Variants in UVSSA observed in about 807,000 individuals in gnomAD.
The protein encoded by UVSSA is UV-stimulated scaffold protein A.
UVSSA carries 72 observed loss-of-function variants against 73.9 expected under a neutral mutation model. The observed-to-expected ratio is 0.97, with a 90% CI of 0.81 to 1.19. The LOEUF (loss-of-function observed/expected upper bound fraction) is 1.19. Ranked by LOEUF, UVSSA falls within the 50% of genes most tolerant of loss-of-function variation. The probability of loss-of-function intolerance (pLI) is 0.00; values close to 1 mark genes in which losing one functional copy is unlikely to be tolerated. For synonymous variants in UVSSA, 454 were observed against 391.3 expected (o/e 1.16, Z -1.89); for missense variants, 1,150 against 965.0 (o/e 1.19, Z -2.54).
rs1278542210 is a variant in UVSSA at position 1,386,198 on chromosome 4, C to T, written c.*237C>T. ...AGGCCCTCGGGCCTGGAGATGTGAA[C>T]ACAGGCAGCGACCCTGTTCCAGAGG... is the stretch of plus-strand genomic sequence containing the variant. On this transcript the variant is annotated 3_prime_UTR_variant, in exon 14 of 14. Transcript: ENST00000389851. 3 of 505,174 alleles carry T rather than the reference C, an allele frequency of 5.9e-6. No individual in the cohort carries two copies. Among genetic ancestry groups the T allele is most frequent in the East Asian group, 7.1e-5 (2 of 28,102 alleles). The allele number at this position is 505,174 out of a possible 1,614,324, so 31.3% of individuals were successfully genotyped here.
At position 1,376,087 on chromosome 4, in the gene UVSSA, G is replaced by T; in HGVS notation, c.1487G>T (p.Arg496Leu). Residue 496 changes from arginine (R) to leucine (L), a missense_variant, in exon 10 of 14, where the codon CGG (arginine) becomes CTG (leucine). Transcript: ENST00000389851. ...PQEAQKLAAE[R>L]ARAPVVPYGV... ...GAGGCCCAGAAGCTGGCAGCAGAGC[G>T]GGCCCGGGCGCCTGTGGTGCCCTAC... 6.2e-7 allele frequency: 1 copy of T among 1,602,964 alleles called. No homozygotes were observed. Among genetic ancestry groups the T allele is most frequent in the Non-Finnish European group, 8.5e-7 (1 of 1,175,388 alleles).
At chr4:1,395,386 T>C in exon 14 of UVSSA, 2 of 1,552,332 alleles carry the variant, frequency 1.3e-6, no homozygotes, top group Non-Finnish European at 1.7e-6. Flanking sequence ...GCCCGCCTGC[T>C]CACACGTGCC....
In UVSSA at chr4:1,395,836, A is replaced by G. The variant is rs763139171; in HGVS notation, c.*9875A>G. 3.1e-6 allele frequency: 5 copies of G among 1,613,406 alleles called. No individual in the cohort carries two copies. In the East Asian group the frequency reaches 8.9e-5, roughly 29 times the overall value. ...AAGGATCCCTTTTATATTTCTCTGC[A>G]CCTCGAGATAACGTAGGAATATTAG... On this transcript the variant is annotated 3_prime_UTR_variant, in exon 14 of 14. Coordinates refer to the UVSSA transcript ENST00000511216.
exon 14 of UVSSA, chr4:1,395,706 A>C: frequency 6.2e-7 from 1 of 1,613,798 alleles, no homozygotes; most frequent in Non-Finnish European, 8.5e-7. Context: ...CTGCTCACAC[A>C]AAGCCCTGGC....
intron 8 of UVSSA, among the ~76,000 whole-genome samples, chr4:1,372,187 C>T (rs1718134132): frequency 1.3e-5 from 2 of 152,142 alleles, no homozygotes; most frequent in Admixed American, 1.3e-4. Flanking sequence ...TTCAACTTTT[C>T]ACTAACCGTT....
chr4:1,349,475 C>A, intron 2 of UVSSA, 49 bp from the exon 3 acceptor site: 1 of 1,573,582 alleles, frequency 6.4e-7, no homozygotes, highest in Non-Finnish European at 8.7e-7. Flanking sequence ...CTCCCCCCGC[C>A]CATCCTCTGC....
At chr4:1,375,149 C>T in intron 8 of UVSSA, 1 of 683,662 alleles carries the variant, frequency 1.5e-6, no homozygotes, top group Non-Finnish European at 2.4e-6. Context: ...ACTGCCGGAC[C>T]CCCCGACGCA....
rs560719829 is a variant in UVSSA, at chr4:1,384,152, C to T, written c.2036+212C>T. ...CAGGCAGGTCTGCTCAGGAACGCCC[C>T]CCAGCATTCCCCAGGATAAGAGGGG... is the stretch of plus-strand genomic sequence containing the variant. On this transcript the variant is annotated intron_variant, in intron 13 of 13. Coordinates refer to ENST00000389851, the MANE Select transcript of UVSSA (RefSeq NM_020894.4). 79 of 605,882 alleles carry T rather than the reference C, an allele frequency of 1.3e-4. 2 individuals are homozygous for T. In the African/African-American group the frequency reaches 1.3e-3, roughly 10 times the overall value. The allele number at this position is 605,882 out of a possible 1,614,324, so 37.5% of individuals were successfully genotyped here. A position where few individuals can be genotyped will look rare whatever the true frequency, so the allele number is the denominator to read the frequency against.
At chr4:1,375,635 G>C (rs1718674673) in intron 9 of UVSSA, 127 bp downstream of exon 9, 1 of 1,416,902 alleles carries the variant, frequency 7.1e-7, no homozygotes, top group Non-Finnish European at 9.4e-7. Flanking sequence ...AGCCTTGGGT[G>C]TGTACCCCCG....
At chr4:1,395,841 G>C (rs767865987) in exon 14 of UVSSA, 1 of 1,613,296 alleles carries the variant, frequency 6.2e-7, no homozygotes, top group South Asian at 1.1e-5. Flanking sequence ...TCTGCACCTC[G>C]AGATAACGTA....
intron 2 of UVSSA, among the ~76,000 whole-genome samples, chr4:1,349,041 T>TTGTGCCGGGCGGTTGGC (rs141462094): frequency 8.3e-6 from 1 of 120,578 alleles, no homozygotes; most frequent in African/African-American, 3.9e-5. Flanking sequence ...AGGCGGTGTG[T>TTGTGCCGGGCGGTTGGC]GTTTGTGCCG....
At chr4:1,381,104 G>T in intron 12 of UVSSA, 116 bp downstream of exon 12, 1 of 976,616 alleles carries the variant, frequency 1.0e-6, no homozygotes. Flanking sequence ...TTCGTCCATG[G>T]AGCTACAAGC....
chr4:1,386,104 C>T lies in UVSSA; in HGVS notation c.*143C>T. ...TAAAGAAATGGTGTGTTGCAATGCCCTGAAGGTACGGCCGCTCTGCTGCTA... is the reference window on the plus strand; with the variant it reads ...TAAAGAAATGGTGTGTTGCAATGCCTTGAAGGTACGGCCGCTCTGCTGCTA... On this transcript the variant is annotated 3_prime_UTR_variant, in exon 14 of 14. Coordinates refer to ENST00000389851, the MANE Select transcript of UVSSA (RefSeq NM_020894.4). 3.4e-6 allele frequency: 3 copies of T among 888,388 alleles called. No homozygotes were observed. The highest frequency in any genetic ancestry group is 3.2e-5 in the South Asian group (2 of 62,896). 55.0% of individuals were successfully genotyped at this position (888,388 alleles called of 1,614,324 possible).
At chr4:1,351,984 C>T (rs1361344352) in intron 4 of UVSSA, 149 bp downstream of exon 4, 15 of 1,285,788 alleles carry the variant, frequency 1.2e-5, no homozygotes, top group South Asian at 3.0e-5. Context: ...GGCCGGAAGG[C>T]GTTCTTAGCC....
At chr4:1,372,993 C>T (rs1263740187) in intron 8 of UVSSA, among the ~76,000 whole-genome samples, 1 of 152,176 alleles carries the variant, frequency 6.6e-6, no homozygotes, top group Non-Finnish European at 1.5e-5. Context: ...TCAAAGCGGA[C>T]CTCACCATGG....
At chr4:1,351,662 T>A in intron 3 of UVSSA, 53 bp from the exon 4 acceptor site, 1 of 1,588,542 alleles carries the variant, frequency 6.3e-7, no homozygotes. Context: ...GTGCTGGGAT[T>A]ACAGGCGTGA....
At chr4:1,351,008 T>A (rs995702424) in intron 3 of UVSSA, among the ~76,000 whole-genome samples, 2 of 151,554 alleles carry the variant, frequency 1.3e-5, no homozygotes, top group Admixed American at 6.6e-5. Context: ...CTGGTCCAAG[T>A]GATCCTCCTG....
intron 10 of UVSSA, 63 bp from the exon 11 acceptor site, chr4:1,379,984 A>C (rs1371804819): frequency 2.6e-6 from 4 of 1,521,070 alleles, no homozygotes; most frequent in Non-Finnish European, 3.5e-6. Flanking sequence ...TGCCTGCACC[A>C]CCGTGGCCAC....
chr4:1,350,802 C>T (rs1044075687), intron 3 of UVSSA, among the ~76,000 whole-genome samples: 5 of 151,820 alleles, frequency 3.3e-5, no homozygotes, highest in African/African-American at 7.3e-5. Context: ...AACTTACAGA[C>T]GCATAGGGCT....
Sources: allele counts gnomAD v4.1 joint callset (sites outside exome capture counted in the v4.1 genomes callset), GRCh38; gene constraint gnomAD v4.1.1; transcripts MANE v1.5; gene names NCBI Gene and HGNC (gene_info 2026-07-23, HGNC 2026-07-21).